Variants in SAMD4A observed in about 807,000 individuals in gnomAD.
SAMD4A encodes the protein sterile alpha motif domain containing 4A.
Under a neutral mutation model 81.3 loss-of-function variants are expected in SAMD4A, and 33 were observed. The ratio of observed to expected loss-of-function variants is 0.41; its 90% CI spans 0.31 to 0.54. The LOEUF (loss-of-function observed/expected upper bound fraction) is 0.54. SAMD4A is among the 20% of genes least tolerant of loss of function. The pLI is 0.37. For synonymous variants in SAMD4A, 389 were observed against 382.1 expected (o/e 1.02, Z -0.21); for missense variants, 854 against 951.1 (o/e 0.90, Z 1.34).
chr14:54,776,613 G>A, intron 11 of SAMD4A, 73 bp downstream of exon 11: 1 of 1,421,200 alleles, frequency 7.0e-7, no homozygotes, highest in Non-Finnish European at 9.2e-7. Flanking sequence ...AACCCAGCCA[G>A]AAAGTGCTTA....
chr14:54,603,795 T>C (rs2034125319), intron 2 of SAMD4A, among the ~76,000 whole-genome samples: 1 of 147,734 alleles, frequency 6.8e-6, no homozygotes, highest in African/African-American at 2.5e-5. Context: ...CATTATTTTA[T>C]TTGTTTGTTT....
intron 12 of SAMD4A, 115 bp from the exon 13 acceptor site, chr14:54,788,801 G>T: frequency 8.3e-7 from 1 of 1,211,282 alleles, no homozygotes. Context: ...GAACGTAGGT[G>T]CCCTTCTCTG....
intron 3 of SAMD4A, among the ~76,000 whole-genome samples, chr14:54,727,841 C>T (rs771398562): frequency 2.0e-5 from 3 of 152,140 alleles, no homozygotes; most frequent in African/African-American, 4.8e-5. Context: ...CAGACACACA[C>T]GCACTACCTA....
chr14:54,696,796 A>G (rs919999141), intron 2 of SAMD4A: 1 of 152,216 alleles, frequency 6.6e-6, no homozygotes, highest in African/African-American at 2.4e-5. Context: ...TTTTATCCAC[A>G]TTAAACATCC....
At chr14:54,658,423 G>A (rs538645896) in intron 2 of SAMD4A, among the ~76,000 whole-genome samples, 153 of 151,872 alleles carry the variant, frequency 1.0e-3, no homozygotes, top group Non-Finnish European at 1.4e-3. Flanking sequence ...TGTAAGACAG[G>A]TGCTGTGCTA....
At chr14:54,580,001 T>C (rs2033418427) in intron 2 of SAMD4A, among the ~76,000 whole-genome samples, 1 of 152,134 alleles carries the variant, frequency 6.6e-6, no homozygotes, top group Non-Finnish European at 1.5e-5. Flanking sequence ...TATGTTACAG[T>C]TGGTATAAGA....
At chr14:54,728,032 G>A (rs1258112291) in intron 3 of SAMD4A, among the ~76,000 whole-genome samples, 1 of 152,126 alleles carries the variant, frequency 6.6e-6, no homozygotes, top group Non-Finnish European at 1.5e-5. Context: ...AATAAGAAAT[G>A]AATGCTGTTC....
chr14:54,627,032 C>T (rs934637499), intron 2 of SAMD4A, among the ~76,000 whole-genome samples: 1 of 152,182 alleles, frequency 6.6e-6, no homozygotes, highest in Non-Finnish European at 1.5e-5. Flanking sequence ...CCTGTTCATC[C>T]ATATAATCTT....
intron 2 of SAMD4A, among the ~76,000 whole-genome samples, chr14:54,674,275 A>G (rs1312010157): frequency 6.6e-6 from 1 of 152,226 alleles, no homozygotes; most frequent in Non-Finnish European, 1.5e-5. Context: ...TTCCATTTTT[A>G]GGGAGGGAAG....
At chr14:54,638,315 C>T (rs1951953) in intron 2 of SAMD4A, among the ~76,000 whole-genome samples, 1,720 of 152,254 alleles carry the variant, frequency 0.011, 16 homozygotes, top group Middle Eastern at 0.017. Flanking sequence ...ATAAACGTTG[C>T]GCATGGAATT....
rs1425798279 is a variant in SAMD4A at position 54,719,602 on chromosome 14, A to G, written c.715+17022A>G. Among the ~76,000 whole-genome samples the G allele has an allele frequency of 3.9e-5, 6 of 152,130 alleles. No individual in the cohort carries two copies. The East Asian group carries it at 9.6e-4, about 24-fold the overall frequency. On this transcript the variant is annotated intron_variant, in intron 3 of 12. Coordinates refer to ENST00000554335, the MANE Select transcript of SAMD4A (RefSeq NM_015589.6). ...TCTGGCAGGGTTGCTAGTATACTGA[A>G]TGGCAGAATCAAAGTCCAGAACGGT...
intron 2 of SAMD4A, among the ~76,000 whole-genome samples, chr14:54,624,414 C>A (rs770100332): frequency 3.5e-4 from 54 of 152,232 alleles, no homozygotes; most frequent in Non-Finnish European, 6.3e-4. Context: ...CTCCATTGAC[C>A]CTTATTACAC....
At chr14:54,650,666 A>C (rs2035384481) in intron 2 of SAMD4A, among the ~76,000 whole-genome samples, 1 of 152,154 alleles carries the variant, frequency 6.6e-6, no homozygotes, top group Non-Finnish European at 1.5e-5. Flanking sequence ...GACCAGTTCC[A>C]TCCCGTGATA....
At chr14:54,626,438 C>T (rs996718869) in intron 2 of SAMD4A, among the ~76,000 whole-genome samples, 1 of 152,138 alleles carries the variant, frequency 6.6e-6, no homozygotes, top group Non-Finnish European at 1.5e-5. Flanking sequence ...AACTTCTTAT[C>T]TCTTGCACAA....
At chr14:54,729,043 T>G (rs1353271024) in intron 3 of SAMD4A, among the ~76,000 whole-genome samples, 3 of 152,314 alleles carry the variant, frequency 2.0e-5, no homozygotes, top group Admixed American at 6.5e-5. Flanking sequence ...ATTCAAGCAA[T>G]TGACTCACTG....
At chr14:54,699,903 T>A (rs2140728101) in intron 2 of SAMD4A, among the ~76,000 whole-genome samples, 1 of 152,006 alleles carries the variant, frequency 6.6e-6, no homozygotes, top group East Asian at 1.9e-4. Context: ...TCTCTCCTGC[T>A]TCGGTTTGGA....
intron 6 of SAMD4A, among the ~76,000 whole-genome samples, chr14:54,756,318 A>G (rs2038237492): frequency 6.6e-6 from 1 of 152,258 alleles, no homozygotes; most frequent in Non-Finnish European, 1.5e-5. Context: ...GACTTGGAAA[A>G]GCTCTTCAGC....
At chr14:54,685,464 A>G (rs1447302412) in intron 2 of SAMD4A, among the ~76,000 whole-genome samples, 2 of 152,194 alleles carry the variant, frequency 1.3e-5, no homozygotes, top group East Asian at 3.8e-4. Flanking sequence ...AGAGGATTCC[A>G]TTGGATGTAT....
chr14:54,712,478 T>C (rs1438636523), intron 3 of SAMD4A, among the ~76,000 whole-genome samples: 1 of 152,206 alleles, frequency 6.6e-6, no homozygotes, highest in African/African-American at 2.4e-5. Flanking sequence ...CTTTTTTTAG[T>C]ATGGCACTGG....
Sources: allele counts gnomAD v4.1 joint callset (sites outside exome capture counted in the v4.1 genomes callset), GRCh38; gene constraint gnomAD v4.1.1; transcripts MANE v1.5; gene names NCBI Gene and HGNC (gene_info 2026-07-23, HGNC 2026-07-21).